The following TMEM41B variants were observed in gnomAD, a reference collection of about 807,000 sequenced individuals.
TMEM41B encodes transmembrane protein 41B.
Under a neutral mutation model 31.9 loss-of-function variants are expected in TMEM41B, and 18 were observed. That is an observed-to-expected ratio of 0.56 (90% confidence interval 0.39 to 0.84). The LOEUF (loss-of-function observed/expected upper bound fraction) is 0.84. TMEM41B is among the 40% of genes least tolerant of loss of function. The probability of loss-of-function intolerance (pLI) is 0.00; values close to 1 mark genes in which losing one functional copy is unlikely to be tolerated. For synonymous variants in TMEM41B, 144 were observed against 124.3 expected (o/e 1.16, Z -1.05); for missense variants, 322 against 348.0 (o/e 0.93, Z 0.59).
At chr11:9,291,155 T>C (rs1852949741) in intron 3 of TMEM41B, among the ~76,000 whole-genome samples, 1 of 151,868 alleles carries the variant, frequency 6.6e-6, no homozygotes, top group East Asian at 1.9e-4. Context: ...GCGCGGTGGC[T>C]CATACCTGTA....
intron 1 of TMEM41B, among the ~76,000 whole-genome samples, chr11:9,305,015 C>T (rs1321448680): frequency 1.3e-5 from 2 of 151,872 alleles, no homozygotes; most frequent in Admixed American, 6.6e-5. Context: ...TGGTCTTGAA[C>T]TCCTGGCTTC....
intron 1 of TMEM41B, among the ~76,000 whole-genome samples, chr11:9,304,002 T>G (rs908787389): frequency 6.6e-6 from 1 of 152,184 alleles, no homozygotes; most frequent in Non-Finnish European, 1.5e-5. Context: ...CTTTGTTATA[T>G]TTCATCTTAA....
chr11:9,308,278 G>A (rs1438847525), intron 1 of TMEM41B, among the ~76,000 whole-genome samples: 4 of 152,160 alleles, frequency 2.6e-5, no homozygotes, highest in African/African-American at 9.7e-5. Context: ...GGGAGATGGG[G>A]GTTGCAGTGA....
At chr11:9,294,089 G>C (rs1378611494) in intron 3 of TMEM41B, among the ~76,000 whole-genome samples, 1 of 150,330 alleles carries the variant, frequency 6.7e-6, no homozygotes, top group Admixed American at 6.7e-5. Flanking sequence ...GCTGAGGTGG[G>C]AGGATCACTT....
chr11:9,295,253 G>A lies in TMEM41B; in HGVS notation c.368+6C>T, dbSNP rs1853055658. Reference sequence around the variant, plus strand: ...TTAGAAAACATTTTTTCAGTTAAAAGGATACAAAATATATGTAGCAAAATA... The same window carrying A: ...TTAGAAAACATTTTTTCAGTTAAAAAGATACAAAATATATGTAGCAAAATA... On this transcript the variant is annotated splice_donor_region_variant and intron_variant, in intron 3 of 6. Coordinates refer to ENST00000528080, the MANE Select transcript of TMEM41B (RefSeq NM_015012.4). 1 of 1,533,718 alleles carries A rather than the reference G, an allele frequency of 6.5e-7. No homozygotes were observed. The highest frequency in any genetic ancestry group is 8.8e-7 in the Non-Finnish European group (1 of 1,132,316).
At chr11:9,304,947 C>G (rs1001784781) in intron 1 of TMEM41B, among the ~76,000 whole-genome samples, 2 of 152,002 alleles carry the variant, frequency 1.3e-5, no homozygotes, top group East Asian at 3.9e-4. Context: ...TGAGCCACCA[C>G]GCCCAGCAAT....
chr11:9,294,333 G>A (rs2133622108), intron 3 of TMEM41B, among the ~76,000 whole-genome samples: 1 of 151,672 alleles, frequency 6.6e-6, no homozygotes, highest in East Asian at 1.9e-4. Context: ...CGTCTCTACT[G>A]AAAATACAAA....
At chr11:9,300,003 CA>C (rs1168623479) in intron 1 of TMEM41B, among the ~76,000 whole-genome samples, 1 of 152,114 alleles carries the variant, frequency 6.6e-6, no homozygotes, top group Non-Finnish European at 1.5e-5. Flanking sequence ...CCTGTAATCC[CA>C]GCTATTCGGG....
Position 9,313,301 on chromosome 11 carries a change from T to TG in TMEM41B, c.121+1019dup, listed in dbSNP as rs571079638. On this transcript the variant is annotated intron_variant, in intron 1 of 6. Coordinates refer to ENST00000528080, the MANE Select transcript of TMEM41B (RefSeq NM_015012.4). ...GGCTGACAGAGCCAAATTAGACTGT[T>TG]GGAGACATTTTAAATTATTTGAAAA... 1.2e-4 allele frequency among the ~76,000 whole-genome samples: 19 copies of TG among 152,360 alleles called. 2 individuals carry two copies. In the South Asian group the frequency reaches 3.7e-3, roughly 30 times the overall value.
chr11:9,284,094 A>C (rs1005230064), intron 6 of TMEM41B, among the ~76,000 whole-genome samples: 1 of 151,152 alleles, frequency 6.6e-6, no homozygotes, highest in Non-Finnish European at 1.5e-5. Context: ...AGAATAATGA[A>C]TTTTAAAAAC....
intron 2 of TMEM41B, among the ~76,000 whole-genome samples, chr11:9,296,603 CAAAAAAAAA>C (rs1164835040): frequency 2.2e-4 from 26 of 118,890 alleles, no homozygotes; most frequent in African/African-American, 6.8e-4. Context: ...GACTCCGTCT[CAAAAAAAAA>C]AAAAAAAAAA....
chr11:9,293,659 G>A (rs1306255290), intron 3 of TMEM41B, among the ~76,000 whole-genome samples: 2 of 152,018 alleles, frequency 1.3e-5, no homozygotes, highest in Non-Finnish European at 2.9e-5. Context: ...TCAGCTCACT[G>A]CAACCTCCAC....
chr11:9,300,345 A>C (rs560782732), intron 1 of TMEM41B, among the ~76,000 whole-genome samples: 107 of 152,270 alleles, frequency 7.0e-4, no homozygotes, highest in African/African-American at 2.3e-3. Flanking sequence ...CTATACTGGG[A>C]GCCAACAGCA....
intron 2 of TMEM41B, among the ~76,000 whole-genome samples, chr11:9,298,734 T>G (rs553494911): frequency 1.3e-5 from 2 of 149,646 alleles, no homozygotes; most frequent in East Asian, 4.0e-4. Flanking sequence ...CAACACCACT[T>G]ACTCCAGCCT....
At chr11:9,295,085 A>G in intron 3 of TMEM41B, 174 bp downstream of exon 3, 1 of 911,102 alleles carries the variant, frequency 1.1e-6, no homozygotes, top group Non-Finnish European at 1.5e-6. Context: ...CAATTAGTTC[A>G]GCAAATAGGA....
At chr11:9,299,789 A>C in intron 1 of TMEM41B, 88 bp from the exon 2 acceptor site, 1 of 998,124 alleles carries the variant, frequency 1.0e-6, no homozygotes, top group Non-Finnish European at 1.5e-6. Flanking sequence ...CTTCCAGAAA[A>C]TGGCGTGTGC....
chr11:9,289,640 C>T (rs893341994), intron 3 of TMEM41B, among the ~76,000 whole-genome samples: 7 of 152,168 alleles, frequency 4.6e-5, no homozygotes, highest in African/African-American at 1.7e-4. Context: ...ATCTTCACTT[C>T]CTCAGAGGAG....
At chr11:9,304,125 T>C (rs1313251528) in intron 1 of TMEM41B, among the ~76,000 whole-genome samples, 2 of 152,242 alleles carry the variant, frequency 1.3e-5, no homozygotes. Context: ...CAAGAATGCC[T>C]GTCTCTTAAT....
rs1328512528 is a variant in TMEM41B at position 9,282,203 on chromosome 11, C to A, written c.*1221G>T. ...GACCAGCCCGGCCAACATGGTGAAA[C>A]CCCGTCTCTACTAAAAACACAAAAA... On this transcript the variant is annotated 3_prime_UTR_variant, in exon 7 of 7. Coordinates refer to ENST00000528080, the MANE Select transcript of TMEM41B (RefSeq NM_015012.4). The A allele has an allele frequency of 6.6e-6, 1 of 151,960 alleles. No homozygotes were observed. The highest frequency in any genetic ancestry group is 2.4e-5 in the African/African-American group (1 of 41,338). The allele number at this position is 151,960 out of a possible 1,614,324, so 9.4% of individuals were successfully genotyped here.
Sources: gnomAD v4.1 joint callset for allele counts (sites outside exome capture counted in the v4.1 genomes callset) on GRCh38, gnomAD v4.1.1 for gene constraint, MANE v1.5 for transcripts, NCBI Gene and HGNC (gene_info 2026-07-23, HGNC 2026-07-21) for gene names.